PCDHGA3: variants seen among roughly 807,000 people sequenced by gnomAD.
The protein encoded by PCDHGA3 is protocadherin gamma-A3.
Under a neutral mutation model 58.5 loss-of-function variants are expected in PCDHGA3, and 40 were observed. The observed-to-expected ratio is 0.68, with a 90% CI of 0.53 to 0.89. The LOEUF is 0.89. PCDHGA3 is among the 40% of genes least tolerant of loss of function. PCDHGA3 has a pLI of 0.00. For synonymous variants in PCDHGA3, 530 were observed against 525.7 expected (o/e 1.01, Z -0.11); for missense variants, 1,223 against 1,195.9 (o/e 1.02, Z -0.33).
intron 1 of PCDHGA3, chr5:141,367,550 A>G (rs1175720075): frequency 2.0e-5 from 3 of 147,536 alleles, no homozygotes; most frequent in Non-Finnish European, 4.6e-5. Flanking sequence ...ATAAATAAAT[A>G]AATAAATAAA....
At chr5:141,389,997 A>T (rs1278035747) in intron 1 of PCDHGA3, 1 of 1,613,962 alleles carries the variant, frequency 6.2e-7, no homozygotes, top group Non-Finnish European at 8.5e-7. Flanking sequence ...CCTCGTGGCC[A>T]TGATTCTGGC....
At position 141,404,150 on chromosome 5, in the gene PCDHGA3, G is replaced by A. The variant is rs1325217999; in HGVS notation, c.2424+57693G>A. ...TTTTACATTAGAAAATTCAGAAGAA[G>A]ATTATTACAGATTGTTGACGGCCCA... is the stretch of plus-strand genomic sequence containing the variant. On this transcript the variant is annotated intron_variant, in intron 1 of 3. Coordinates refer to ENST00000253812, the MANE Select transcript of PCDHGA3 (RefSeq NM_018916.4). 5.0e-6 allele frequency: 8 copies of A among 1,612,830 alleles called. 1 individual carries two copies. In the Middle Eastern group the frequency reaches 6.6e-4, roughly 133 times the overall value.
intron 1 of PCDHGA3, chr5:141,389,608 T>C (rs1458951980): frequency 1.9e-6 from 3 of 1,613,138 alleles, no homozygotes; most frequent in East Asian, 2.2e-5. Context: ...CTCTTCGATA[T>C]GGTGCCGCAC....
At chr5:141,430,935 T>G (rs748546768) in intron 1 of PCDHGA3, 1 of 1,607,814 alleles carries the variant, frequency 6.2e-7, no homozygotes. Context: ...CCCCGGGAGC[T>G]CGCGGAGCGC....
At chr5:141,352,603 T>C in intron 1 of PCDHGA3, 1 of 1,613,760 alleles carries the variant, frequency 6.2e-7, no homozygotes, top group African/African-American at 1.3e-5. Flanking sequence ...GTGATGATCC[T>C]TCTATGGTTG....
chr5:141,373,720 C>T (rs1769798008), intron 1 of PCDHGA3, among the ~76,000 whole-genome samples: 1 of 152,328 alleles, frequency 6.6e-6, no homozygotes, highest in East Asian at 1.9e-4. Flanking sequence ...ATCTCTTACA[C>T]TCTTCTAAAT....
At chr5:141,357,736 T>C (rs1561515678) in intron 1 of PCDHGA3, 6 of 1,323,830 alleles carry the variant, frequency 4.5e-6, no homozygotes, top group Non-Finnish European at 6.1e-6. Context: ...TAATATTTTA[T>C]TGCTTTAAAG....
chr5:141,384,771 C>T (rs568102289), intron 1 of PCDHGA3: 36 of 1,613,878 alleles, frequency 2.2e-5, no homozygotes, highest in Admixed American at 1.7e-4. Context: ...TGTACACGGG[C>T]GAGGTGCGCA....
At chr5:141,389,133 A>G (rs1239484034) in intron 1 of PCDHGA3, 18 of 1,613,928 alleles carry the variant, frequency 1.1e-5, no homozygotes, top group Admixed American at 5.0e-5. Flanking sequence ...TCCAGAGTAC[A>G]ATATAACCGT....
intron 1 of PCDHGA3, chr5:141,360,416 A>G: frequency 6.2e-7 from 1 of 1,614,014 alleles, no homozygotes; most frequent in Non-Finnish European, 8.5e-7. Context: ...GACCGAGAAC[A>G]GATATGCGGG....
chr5:141,366,579 T>C (rs1764662445), intron 1 of PCDHGA3: 1 of 1,614,256 alleles, frequency 6.2e-7, no homozygotes, highest in South Asian at 1.1e-5. Flanking sequence ...CGGGCTTTCC[T>C]GCAGACCTAT....
rs776908106 is a variant in PCDHGA3, at chr5:141,345,473, T to TAGCA, written c.1442_1445dup (p.Asn482LysfsTer46). The TAGCA allele has an allele frequency of 5.3e-4, 851 of 1,614,028 alleles. 8 individuals are homozygous for TAGCA. The highest frequency in any genetic ancestry group is 1.6e-4 in the Middle Eastern group (1 of 6,062). ...TCTCAGTGACAGCCCAGGACCCAGA[T>TAGCA]AGCAACAACAACGCCCGCATCACTT... On this transcript the variant is annotated frameshift_variant, in exon 1 of 4. Coordinates refer to ENST00000253812, the MANE Select transcript of PCDHGA3 (RefSeq NM_018916.4). LOFTEE classifies it high-confidence loss of function.
In PCDHGA3 at chr5:141,344,389, T is replaced by C; in HGVS notation, c.356T>C (p.Val119Ala). ...LVEDKLKIFE[V>A]EIEIKDINDN... is the part of the protein sequence containing the mutation. The stretch of plus-strand genomic sequence containing the variant: ...GAGGATAAATTGAAAATTTTTGAAG[T>C]AGAAATAGAAATTAAAGATATTAAT... The change falls in exon 1 of 4, where the codon GTA (valine) becomes GCA (alanine). Residue 119 changes from valine (V) to alanine (A), a missense_variant. By Grantham distance (64) the Val-to-Ala change is moderately conservative. This residue lies in a region of PCDHGA3 where 791 missense variants were observed against 708.5 expected (regional missense o/e 1.12). Coordinates refer to ENST00000253812, the MANE Select transcript of PCDHGA3 (RefSeq NM_018916.4). The C allele has an allele frequency of 6.2e-7, 1 of 1,611,850 alleles. No individual in the cohort carries two copies. Among genetic ancestry groups the C allele is most frequent in the Middle Eastern group, 1.7e-4 (1 of 6,050 alleles).
chr5:141,361,468 G>A (rs781508901), intron 1 of PCDHGA3: 5 of 1,614,008 alleles, frequency 3.1e-6, no homozygotes, highest in East Asian at 2.2e-5. Context: ...CATCTCCGAC[G>A]TCAACGATAA....
chr5:141,428,043 A>G, intron 1 of PCDHGA3: 1 of 1,608,722 alleles, frequency 6.2e-7, no homozygotes, highest in Non-Finnish European at 8.5e-7. Flanking sequence ...CTACCTGGTG[A>G]CCAAGGTGGT....
chr5:141,384,791 C>A (rs773450358), intron 1 of PCDHGA3: 22 of 1,613,424 alleles, frequency 1.4e-5, no homozygotes, highest in Non-Finnish European at 1.9e-5. Flanking sequence ...ACGGCTCGGG[C>A]CCTGCTGGAC....
chr5:141,381,093 A>T (rs1776980252), intron 1 of PCDHGA3, among the ~76,000 whole-genome samples: 1 of 152,266 alleles, frequency 6.6e-6, no homozygotes, highest in Admixed American at 6.5e-5. Flanking sequence ...AGATCAAAAC[A>T]GAATGTCCTT....
chr5:141,382,749 G>C, intron 1 of PCDHGA3: 1 of 612,214 alleles, frequency 1.6e-6, no homozygotes, highest in Non-Finnish European at 2.8e-6. Context: ...GACAGATTGC[G>C]ATAAGCCCTC....
chr5:141,360,426 G>C, intron 1 of PCDHGA3: 2 of 1,614,000 alleles, frequency 1.2e-6, no homozygotes, highest in Non-Finnish European at 1.7e-6. Context: ...AGATATGCGG[G>C]AAGCAGCCTC....
Sources: allele counts gnomAD v4.1 joint callset (sites outside exome capture counted in the v4.1 genomes callset), GRCh38; gene constraint gnomAD v4.1.1; regional missense constraint gnomAD v4.1.1; transcripts MANE v1.5; gene names NCBI Gene and HGNC (gene_info 2026-07-23, HGNC 2026-07-21).